LHFPL3: variants seen among roughly 807,000 people sequenced by gnomAD.
LHFPL3 encodes the protein LHFPL tetraspan subfamily member 3.
A neutral mutation model predicts 19.3 loss-of-function variants in LHFPL3; 5 were observed. The ratio of observed to expected loss-of-function variants is 0.26; its 90% CI spans 0.14 to 0.54. The LOEUF is 0.54. LHFPL3 is among the 20% of genes least tolerant of loss of function. The pLI is 0.94. For synonymous variants in LHFPL3, 133 were observed against 126.2 expected (o/e 1.05, Z -0.36); for missense variants, 249 against 307.4 (o/e 0.81, Z 1.42).
intron 1 of LHFPL3, among the ~76,000 whole-genome samples, chr7:104,630,773 A>G (rs1393548288): frequency 6.6e-6 from 1 of 152,174 alleles, no homozygotes; most frequent in Non-Finnish European, 1.5e-5. Flanking sequence ...ATTATTTATA[A>G]GAGGACACTG....
intron 2 of LHFPL3, among the ~76,000 whole-genome samples, chr7:104,764,520 G>A (rs1794424049): frequency 6.6e-6 from 1 of 152,204 alleles, no homozygotes; most frequent in Non-Finnish European, 1.5e-5. Flanking sequence ...GAGAGAGTCT[G>A]ATTGGCATAG....
chr7:104,607,963 G>A (rs1014757206), intron 1 of LHFPL3, among the ~76,000 whole-genome samples: 2 of 152,168 alleles, frequency 1.3e-5, no homozygotes, highest in East Asian at 3.8e-4. Flanking sequence ...TCTCACACCA[G>A]TTAGAATGGC....
At position 104,397,368 on chromosome 7, in the gene LHFPL3, T is replaced by C. The variant is rs116222792; in HGVS notation, c.445+68144T>C. 4.6e-3 allele frequency among the ~76,000 whole-genome samples: 701 copies of C among 152,316 alleles called. 6 individuals are homozygous for C. The highest frequency in any genetic ancestry group is 0.016 in the African/African-American group (657 of 41,564). On this transcript the variant is annotated intron_variant, in intron 1 of 2. Transcript: ENST00000424859. Reference sequence around the variant, plus strand: ...CTTCCTAACTTCCCCATTTATTTCATTATTTTTAAAATTTATATGAAATGA... The same window carrying C: ...CTTCCTAACTTCCCCATTTATTTCACTATTTTTAAAATTTATATGAAATGA...
At chr7:104,550,384 C>T (rs769563111) in intron 1 of LHFPL3, among the ~76,000 whole-genome samples, 4 of 152,016 alleles carry the variant, frequency 2.6e-5, no homozygotes, top group Admixed American at 1.3e-4. Flanking sequence ...ATGGGGCTGT[C>T]AGGCGGTGGG....
chr7:104,697,856 A>G (rs115574770), intron 1 of LHFPL3, among the ~76,000 whole-genome samples: 71 of 152,356 alleles, frequency 4.7e-4, no homozygotes, highest in African/African-American at 1.7e-3. Flanking sequence ...TTAGCATCCA[A>G]GGGATCTGGG....
At chr7:104,573,426 AAAGT>A (rs890112411) in intron 1 of LHFPL3, among the ~76,000 whole-genome samples, 3 of 151,070 alleles carry the variant, frequency 2.0e-5, no homozygotes, top group East Asian at 1.9e-4. Context: ...AAAAAAAAAG[AAAGT>A]AAGAAAGAAA....
chr7:104,469,513 G>A (rs1296437266), intron 1 of LHFPL3, among the ~76,000 whole-genome samples: 2 of 152,112 alleles, frequency 1.3e-5, no homozygotes, highest in African/African-American at 2.4e-5. Context: ...ATATTAACCA[G>A]GTTTAGCTAA....
At chr7:104,697,809 G>A (rs114909827) in intron 1 of LHFPL3, among the ~76,000 whole-genome samples, 1,530 of 152,306 alleles carry the variant, frequency 0.01, 36 homozygotes, top group African/African-American at 0.035. Flanking sequence ...TTGTGCTCAT[G>A]GAGCAACAGC....
At position 104,899,376 on chromosome 7, in the gene LHFPL3, G is replaced by A. The variant is rs35875033; in HGVS notation, c.683-6811G>A. 2.7e-3 allele frequency among the ~76,000 whole-genome samples: 408 copies of A among 152,112 alleles called. 2 individuals carry two copies. The highest frequency in any genetic ancestry group is 9.4e-3 in the African/African-American group (391 of 41,472). The stretch of plus-strand genomic sequence containing the variant: ...TTTAACCACTGAACTATATGCCGCC[G>A]AGAAAATCAGGAAACATATTATCAA... On this transcript the variant is annotated intron_variant, in intron 2 of 2. Coordinates refer to ENST00000424859, the MANE Select transcript of LHFPL3 (RefSeq NM_199000.3).
chr7:104,489,440 A>G (rs1261202258), intron 1 of LHFPL3, among the ~76,000 whole-genome samples: 1 of 151,846 alleles, frequency 6.6e-6, no homozygotes, highest in African/African-American at 2.4e-5. Flanking sequence ...TACATTACTC[A>G]GCACAGAGCC....
At chr7:104,645,004 C>T (rs1189751560) in intron 1 of LHFPL3, among the ~76,000 whole-genome samples, 1 of 152,184 alleles carries the variant, frequency 6.6e-6, no homozygotes, top group African/African-American at 2.4e-5. Context: ...ACCTTGTCTC[C>T]ACTGTGATCT....
At chr7:104,880,810 C>G (rs1420553516) in intron 2 of LHFPL3, among the ~76,000 whole-genome samples, 1 of 152,064 alleles carries the variant, frequency 6.6e-6, no homozygotes, top group Non-Finnish European at 1.5e-5. Context: ...CCAGTTAATC[C>G]AATGTCCATT....
intron 2 of LHFPL3, among the ~76,000 whole-genome samples, chr7:104,800,593 G>C (rs1790224423): frequency 6.6e-6 from 1 of 152,096 alleles, no homozygotes; most frequent in Non-Finnish European, 1.5e-5. Flanking sequence ...GGAATACTTA[G>C]ATACCTCAAA....
rs1276266060 is a variant in LHFPL3 at position 104,906,813 on chromosome 7, A to T, written c.*598A>T. 1.3e-5 allele frequency: 2 copies of T among 152,798 alleles called. No homozygotes were observed. Among genetic ancestry groups the T allele is most frequent in the African/African-American group, 4.8e-5 (2 of 41,472 alleles). The allele number at this position is 152,798 out of a possible 1,614,324, so 9.5% of individuals were successfully genotyped here. A position where few individuals can be genotyped will look rare whatever the true frequency, so the allele number is the denominator to read the frequency against. On this transcript the variant is annotated 3_prime_UTR_variant, in exon 3 of 3. Coordinates refer to ENST00000424859, the MANE Select transcript of LHFPL3 (RefSeq NM_199000.3). ...ATTAGTTACAACCACTCAGTTATTA[A>T]GAGACGTAACGCTTCAAACTTTTTA...
At chr7:104,562,434 C>G (rs1790024912) in intron 1 of LHFPL3, among the ~76,000 whole-genome samples, 1 of 152,196 alleles carries the variant, frequency 6.6e-6, no homozygotes, top group Non-Finnish European at 1.5e-5. Context: ...TCATTCATTT[C>G]ATCTTCCATC....
chr7:104,464,359 T>A (rs866337068), intron 1 of LHFPL3, among the ~76,000 whole-genome samples: 4 of 152,290 alleles, frequency 2.6e-5, no homozygotes, highest in Middle Eastern at 6.8e-3. Flanking sequence ...TGTTGGTGGA[T>A]ACCATTCTTG....
chr7:104,740,293 C>T (rs1793909267), intron 2 of LHFPL3, among the ~76,000 whole-genome samples: 1 of 152,120 alleles, frequency 6.6e-6, no homozygotes, highest in Admixed American at 6.5e-5. Context: ...AATGGTCTAC[C>T]AATTATATCA....
At chr7:104,598,917 A>G (rs1246730702) in intron 1 of LHFPL3, among the ~76,000 whole-genome samples, 15 of 139,364 alleles carry the variant, frequency 1.1e-4, no homozygotes, top group Admixed American at 9.8e-4. Flanking sequence ...GATGGACTAG[A>G]CAACAGGTAT....
At chr7:104,906,040 T>G in intron 2 of LHFPL3, 147 bp from the exon 3 acceptor site, 4 of 737,642 alleles carry the variant, frequency 5.4e-6, no homozygotes. Flanking sequence ...CAGTATTGTT[T>G]GGTAACAAAT....
Sources: allele counts gnomAD v4.1 joint callset (sites outside exome capture counted in the v4.1 genomes callset), GRCh38; gene constraint gnomAD v4.1.1; transcripts MANE v1.5; gene names NCBI Gene and HGNC (gene_info 2026-07-23, HGNC 2026-07-21).